PLAG1: variants seen among roughly 807,000 people sequenced by gnomAD.
PLAG1 encodes the protein PLAG1 zinc finger, also known as zinc finger protein PLAG1.
Under a neutral mutation model 35.5 loss-of-function variants are expected in PLAG1, and 7 were observed. That is an observed-to-expected ratio of 0.20 (90% CI 0.11 to 0.37). PLAG1 has a LOEUF of 0.37. Among genes scored for constraint, PLAG1 ranks in the 10% least tolerant of loss-of-function variants. The pLI is 1.00. For synonymous variants in PLAG1, 229 were observed against 225.4 expected (o/e 1.02, Z -0.14); for missense variants, 454 against 602.8 (o/e 0.75, Z 2.58).
At chr8:56,208,575 C>T (rs1164715078) in intron 1 of PLAG1, among the ~76,000 whole-genome samples, 2 of 152,094 alleles carry the variant, frequency 1.3e-5, no homozygotes, top group African/African-American at 4.8e-5. Flanking sequence ...AAAAAACATT[C>T]TATATAAGAA....
At chr8:56,193,715 T>G (rs1812259432) in intron 1 of PLAG1, among the ~76,000 whole-genome samples, 1 of 149,720 alleles carries the variant, frequency 6.7e-6, no homozygotes, top group South Asian at 2.1e-4. Context: ...TTTTTTTTTT[T>G]GAGACGGAGT....
intron 1 of PLAG1, among the ~76,000 whole-genome samples, chr8:56,192,028 C>T (rs1426469035): frequency 5.3e-5 from 8 of 152,070 alleles, no homozygotes; most frequent in Non-Finnish European, 1.0e-4. Flanking sequence ...AATGCAATGA[C>T]GGCAGGTGGT....
chr8:56,208,472 G>C (rs1221541437), intron 1 of PLAG1, among the ~76,000 whole-genome samples: 1 of 152,148 alleles, frequency 6.6e-6, no homozygotes, highest in East Asian at 1.9e-4. Context: ...TTGTATAGAG[G>C]TATTTACAGA....
At chr8:56,210,468 C>G (rs938280160) in intron 1 of PLAG1, among the ~76,000 whole-genome samples, 1 of 151,716 alleles carries the variant, frequency 6.6e-6, no homozygotes, top group Non-Finnish European at 1.5e-5. Context: ...CACCCCGACC[C>G]CGGCTTGCCC....
In PLAG1 at chr8:56,164,074, T is replaced by A. The variant is rs1248724537; in HGVS notation, c.*2169A>T. 5.4e-6 allele frequency: 1 copy of A among 186,564 alleles called. No homozygotes were observed. Among genetic ancestry groups the A allele is most frequent in the African/African-American group, 2.3e-5 (1 of 42,700 alleles). 11.6% of individuals were successfully genotyped at this position (186,564 alleles called of 1,614,324 possible). A position where few individuals can be genotyped will look rare whatever the true frequency, so the allele number is the denominator to read the frequency against. ...AAAAGCCTACTTTCAGAAAAAATAT[T>A]CTCCTAATCAAAAGCTAGGAGCAGT... On this transcript the variant is annotated 3_prime_UTR_variant, in exon 5 of 5. Coordinates refer to ENST00000316981, the MANE Select transcript of PLAG1 (RefSeq NM_002655.3).
intron 1 of PLAG1, among the ~76,000 whole-genome samples, chr8:56,198,216 C>T (rs536357977): frequency 6.6e-6 from 1 of 152,226 alleles, no homozygotes; most frequent in Non-Finnish European, 1.5e-5. Context: ...TGGAGGACAG[C>T]ACGTGGTCCT....
intron 1 of PLAG1, among the ~76,000 whole-genome samples, chr8:56,182,940 TAA>T: frequency 6.6e-6 from 1 of 152,310 alleles, no homozygotes; most frequent in Non-Finnish European, 1.5e-5. Flanking sequence ...TTCATCCTGC[TAA>T]GTTTTTTGGT....
intron 1 of PLAG1, among the ~76,000 whole-genome samples, chr8:56,209,675 A>C (rs1226754527): frequency 6.6e-6 from 1 of 152,120 alleles, no homozygotes; most frequent in African/African-American, 2.4e-5. Context: ...AAGGATGAAC[A>C]GGTGAAGCAA....
At chr8:56,209,573 G>C (rs981147683) in intron 1 of PLAG1, 1 of 152,274 alleles carries the variant, frequency 6.6e-6, no homozygotes, top group Non-Finnish European at 1.5e-5. Context: ...ACCAACATCA[G>C]CAGCACTTTC....
rs1379675999 is a variant in PLAG1 at position 56,167,248 on chromosome 8, C to T, written c.498G>A (p.Leu166=). Residue 166 remains leucine, a synonymous_variant, in exon 5 of 5, where the codon CTG becomes CTA. Transcript: ENST00000316981. This position sits in a 1 kb window ranked among gnomAD's most constrained non-coding sequence, Gnocchi z 5.9. The stretch of plus-strand genomic sequence containing the variant: ...TGCCTGCATGAGATTTAAGGTGCTC[C>T]AGAAGCACTCCCGTGCTTTCAAAAG... ...LQTFESTGVL[L]EHLKSHAGKS... is the part of the protein sequence containing the mutation. The T allele has an allele frequency of 6.2e-7, 1 of 1,614,092 alleles. No individual in the cohort carries two copies. The highest frequency in any genetic ancestry group is 1.7e-5 in the Admixed American group (1 of 60,006).
At chr8:56,199,984 G>C (rs545478034) in intron 1 of PLAG1, among the ~76,000 whole-genome samples, 2 of 152,092 alleles carry the variant, frequency 1.3e-5, no homozygotes, top group Non-Finnish European at 2.9e-5. Context: ...CCCTCTCAAC[G>C]GAATAAAACC....
Position 56,166,178 on chromosome 8 carries a change from A to G in PLAG1, c.*65T>C, listed in dbSNP as rs1811346296. 2 of 1,189,814 alleles carry G rather than the reference A, an allele frequency of 1.7e-6. No homozygotes were observed. The highest frequency in any genetic ancestry group is 3.5e-5 in the South Asian group (2 of 56,522). 73.7% of individuals were successfully genotyped at this position (1,189,814 alleles called of 1,614,324 possible). On this transcript the variant is annotated 3_prime_UTR_variant, in exon 5 of 5. Coordinates refer to ENST00000316981, the MANE Select transcript of PLAG1 (RefSeq NM_002655.3). ...ATACTGTTTTAAAGTAGGCACTAAAATAAAAATGGTCATCTAGGGCACAGC... is the reference window on the plus strand; with the variant it reads ...ATACTGTTTTAAAGTAGGCACTAAAGTAAAAATGGTCATCTAGGGCACAGC...
At chr8:56,194,995 G>A (rs1812315164) in intron 1 of PLAG1, among the ~76,000 whole-genome samples, 7 of 152,120 alleles carry the variant, frequency 4.6e-5, no homozygotes, top group Admixed American at 4.6e-4. Context: ...AAATAAGGTG[G>A]GTGGTGAGCG....
At position 56,164,848 on chromosome 8, in the gene PLAG1, C is replaced by A; in HGVS notation, c.*1395G>T. 1 of 211,588 alleles carries A rather than the reference C, an allele frequency of 4.7e-6. No individual in the cohort carries two copies. The highest frequency in any genetic ancestry group is 7.1e-5 in the East Asian group (1 of 14,066). 13.1% of individuals were successfully genotyped at this position (211,588 alleles called of 1,614,324 possible). A position where few individuals can be genotyped will look rare whatever the true frequency, so the allele number is the denominator to read the frequency against. ...GTTTGTTTTACTTTACTTTGTTACCCTCTACAAACTCAACTTATTTGCAAT... is the reference window on the plus strand; with the variant it reads ...GTTTGTTTTACTTTACTTTGTTACCATCTACAAACTCAACTTATTTGCAAT... On this transcript the variant is annotated 3_prime_UTR_variant, in exon 5 of 5. Coordinates refer to ENST00000316981, the MANE Select transcript of PLAG1 (RefSeq NM_002655.3).
chr8:56,183,340 T>C (rs1025397495), intron 1 of PLAG1, among the ~76,000 whole-genome samples: 2 of 152,188 alleles, frequency 1.3e-5, no homozygotes, highest in Non-Finnish European at 2.9e-5. Flanking sequence ...AGATTAAAAA[T>C]TGATAATGTC....
At chr8:56,181,163 T>C (rs901680370) in intron 1 of PLAG1, among the ~76,000 whole-genome samples, 16 of 152,222 alleles carry the variant, frequency 1.1e-4, no homozygotes, top group Non-Finnish European at 1.6e-4. Context: ...GTTTGGTGAT[T>C]CCTCAAGGAT....
chr8:56,200,669 T>A (rs1441870678), intron 1 of PLAG1, among the ~76,000 whole-genome samples: 3 of 152,152 alleles, frequency 2.0e-5, no homozygotes, highest in Admixed American at 6.5e-5. Context: ...CAAACCATCC[T>A]CTCCAGTCAG....
At chr8:56,175,667 T>C (rs140424544) in intron 2 of PLAG1, among the ~76,000 whole-genome samples, 1 of 152,298 alleles carries the variant, frequency 6.6e-6, no homozygotes, top group African/African-American at 2.4e-5. Context: ...CCATAAAAAT[T>C]AGCCTTACTG....
intron 1 of PLAG1, among the ~76,000 whole-genome samples, chr8:56,200,719 C>G (rs1468681304): frequency 6.6e-6 from 1 of 152,136 alleles, no homozygotes; most frequent in Non-Finnish European, 1.5e-5. Context: ...CAAAACCATT[C>G]CTCTCACCTG....
Sources: allele counts gnomAD v4.1 joint callset (sites outside exome capture counted in the v4.1 genomes callset), GRCh38; gene constraint gnomAD v4.1.1; non-coding constraint Gnocchi (gnomAD v3.1); transcripts MANE v1.5; gene names NCBI Gene and HGNC (gene_info 2026-07-23, HGNC 2026-07-21).